Variants in PELP1 observed in about 807,000 individuals in gnomAD.
PELP1 encodes the protein proline-, glutamic acid- and leucine-rich protein 1.
A neutral mutation model predicts 95.5 loss-of-function variants in PELP1; 32 were observed. That is an observed-to-expected ratio of 0.34 (90% confidence interval 0.25 to 0.45). The LOEUF (loss-of-function observed/expected upper bound fraction) is 0.45. PELP1 is among the 20% of genes least tolerant of loss of function. PELP1 has a pLI of 1.00. For synonymous variants in PELP1, 668 were observed against 600.1 expected (o/e 1.11, Z -1.65); for missense variants, 1,358 against 1,444.8 (o/e 0.94, Z 0.97).
intron 3 of PELP1, among the ~76,000 whole-genome samples, chr17:4,683,361 C>G (rs2150558540): frequency 6.6e-6 from 1 of 151,496 alleles, no homozygotes; most frequent in East Asian, 1.9e-4. Flanking sequence ...GCTGAGACTA[C>G]AAGCGCCCGC....
intron 4 of PELP1, 103 bp from the exon 5 acceptor site, chr17:4,682,676 T>C: frequency 1.4e-6 from 2 of 1,446,296 alleles, no homozygotes; most frequent in Middle Eastern, 3.5e-4. Flanking sequence ...AAATCACTTT[T>C]TCTTGGCCCC....
chr17:4,699,512 G>C (rs916812016), intron 1 of PELP1, among the ~76,000 whole-genome samples: 2 of 152,198 alleles, frequency 1.3e-5, no homozygotes, highest in Admixed American at 6.5e-5. Flanking sequence ...GAGACAAAAA[G>C]TACAGATAAC....
intron 5 of PELP1, among the ~76,000 whole-genome samples, chr17:4,681,427 T>C (rs1475014402): frequency 6.6e-6 from 1 of 151,826 alleles, no homozygotes; most frequent in African/African-American, 2.4e-5. Context: ...TGAGAATCAC[T>C]TGGAACCTGG....
At chr17:4,680,826 T>G (rs778549458) in intron 5 of PELP1, among the ~76,000 whole-genome samples, 2 of 152,252 alleles carry the variant, frequency 1.3e-5, no homozygotes, top group African/African-American at 4.8e-5. Flanking sequence ...TTAGGTATAG[T>G]TGGCATCCAA....
At chr17:4,691,080 G>T in intron 2 of PELP1, 87 bp from the exon 3 acceptor site, 1 of 933,360 alleles carries the variant, frequency 1.1e-6, no homozygotes, top group Non-Finnish European at 1.7e-6. Context: ...CTAGGCTACA[G>T]CAAGACTTCA....
At chr17:4,701,577 A>AT (rs1913539237) in intron 1 of PELP1, among the ~76,000 whole-genome samples, 1 of 152,226 alleles carries the variant, frequency 6.6e-6, no homozygotes, top group Admixed American at 6.5e-5. Context: ...TGCTAGGATC[A>AT]TTCCATTTTG....
Position 4,678,528 on chromosome 17 carries a change from A to G in PELP1, c.643-1716T>C, listed in dbSNP as rs186052363. ...ACAGAAGTCTGCTTATGTGACTGCAATAAAGCAGTGTACGGTGAAGCGACA... is the reference window on the plus strand; with the variant it reads ...ACAGAAGTCTGCTTATGTGACTGCAGTAAAGCAGTGTACGGTGAAGCGACA... On this transcript the variant is annotated intron_variant, in intron 5 of 16. Coordinates refer to ENST00000572293, the MANE Select transcript of PELP1 (RefSeq NM_014389.3). Among the ~76,000 whole-genome samples the G allele has an allele frequency of 2.6e-5, 4 of 152,320 alleles. No homozygotes were observed. In the East Asian group the frequency reaches 5.8e-4, roughly 22 times the overall value.
Position 4,683,527 on chromosome 17 carries a change from TTTTC to T in PELP1, c.421-579_421-576del, listed in dbSNP as rs1403903716. Reference sequence around the variant, plus strand: ...AGCCATCACGCCCAGCTGAGTTTTCTTTTCTTTTTTTTTTTTTTTTTGAGACAGA... The same window carrying T: ...AGCCATCACGCCCAGCTGAGTTTTCTTTTTTTTTTTTTTTTTTGAGACAGA... On this transcript the variant is annotated intron_variant, in intron 3 of 16. Coordinates refer to ENST00000572293, the MANE Select transcript of PELP1 (RefSeq NM_014389.3). Among the ~76,000 whole-genome samples, 508 of 96,046 alleles carry T rather than the reference TTTTC, an allele frequency of 5.3e-3. 3 individuals are homozygous for T. The highest frequency in any genetic ancestry group is 0.02 in the African/African-American group (477 of 23,548). 63.0% of individuals were successfully genotyped at this position (96,046 alleles called of 152,430 possible).
At position 4,672,466 on chromosome 17, in the gene PELP1, G is replaced by A. The variant is rs1481389867; in HGVS notation, c.2525C>T (p.Pro842Leu). ...LPAAPGPLPP[P>L]PPPPPPVPGP... ...AGGAACAGGCGGCGGCGGAGGTGGG[G>A]GTGGCGGGAGAGGCCCTGGGGCTGC... Residue 842 changes from proline to leucine, a missense_variant, in exon 16 of 17, where the codon CCC becomes CTC. This residue lies in a region of PELP1 where 340 missense variants were observed against 322.9 expected (regional missense o/e 1.05). Transcript: ENST00000572293. 2 of 1,568,268 alleles carry A rather than the reference G, an allele frequency of 1.3e-6. No individual in the cohort carries two copies. Among genetic ancestry groups the A allele is most frequent in the South Asian group, 2.4e-5 (2 of 83,280 alleles).
At position 4,672,961 on chromosome 17, in the gene PELP1, A is replaced by G. The variant is rs1912296593; in HGVS notation, c.2030T>C (p.Met677Thr). The G allele has an allele frequency of 6.3e-7, 1 of 1,597,414 alleles. No homozygotes were observed. The highest frequency in any genetic ancestry group is 1.3e-5 in the African/African-American group (1 of 74,500). Residue 677 changes from methionine (M) to threonine (T), a missense_variant, in exon 16 of 17, where the codon ATG becomes ACG. By Grantham distance (81) the Met-to-Thr change is moderately conservative. This residue lies in a region of PELP1 where 340 missense variants were observed against 322.9 expected (regional missense o/e 1.05). Transcript: ENST00000572293. ...TGAAGGCATGGGGCCTGCTGAGGGC[A>G]TGGAGCCCACTGAGGGCATGGGGCC... ...PPGPMPSVGS[M>T]PSAGPMPSAG...
chr17:4,678,684 C>T (rs1912585666), intron 5 of PELP1, among the ~76,000 whole-genome samples: 1 of 152,164 alleles, frequency 6.6e-6, no homozygotes, highest in African/African-American at 2.4e-5. Context: ...GGTCAGTCTT[C>T]CCACCCATTC....
In PELP1 at chr17:4,676,410, A is replaced by T. The variant is rs2150554828; in HGVS notation, c.800T>A (p.Leu267Gln). 1 of 1,613,300 alleles carries T rather than the reference A, an allele frequency of 6.2e-7. No homozygotes were observed. Residue 267 changes from leucine (L) to glutamine (Q), a missense_variant, in exon 7 of 17, where the codon CTG becomes CAG. Transcript: ENST00000572293. ...TESWEQELHSLLASLHTLLGA... is the reference protein window; with the variant it reads ...TESWEQELHSQLASLHTLLGA... ...CAGCAGGGTGTGCAGTGAGGCCAGC[A>T]GACTGTGTAGCTCCTGCTCCCAGCT...
At position 4,675,679 on chromosome 17, in the gene PELP1, G is replaced by C. The variant is rs1294191357; in HGVS notation, c.1068+118C>G. On this transcript the variant is annotated intron_variant, in intron 9 of 16. Coordinates refer to ENST00000572293, the MANE Select transcript of PELP1 (RefSeq NM_014389.3). The surrounding 1 kb of genome is among the most constrained non-coding windows in gnomAD (Gnocchi z 4.3). ...AGTGATGTTATTTGGACAAAAGTAG[G>C]AAGCTCTCTGGGACGACTCCAGGAT... is the stretch of plus-strand genomic sequence containing the variant. The C allele has an allele frequency of 9.1e-6, 7 of 768,882 alleles. No homozygotes were observed. In the East Asian group the frequency reaches 1.9e-4, roughly 21 times the overall value. The allele number at this position is 768,882 out of a possible 1,614,324, so 47.6% of individuals were successfully genotyped here. A position where few individuals can be genotyped will look rare whatever the true frequency, so the allele number is the denominator to read the frequency against.
intron 3 of PELP1, among the ~76,000 whole-genome samples, chr17:4,685,671 T>C (rs1374099324): frequency 6.6e-6 from 1 of 151,174 alleles, no homozygotes. Flanking sequence ...TACACGCCTG[T>C]AGTCCCAGCT....
chr17:4,699,326 G>C, intron 1 of PELP1, among the ~76,000 whole-genome samples: 1 of 151,838 alleles, frequency 6.6e-6, no homozygotes, highest in Non-Finnish European at 1.5e-5. Context: ...CTTGCAGTGA[G>C]CCAAAATCGC....
In PELP1 at chr17:4,675,412, CAGAG is replaced by C. The variant is rs1472131243; in HGVS notation, c.1069-54_1069-51del. ...AAGAGTGGAGGAAGAAAGTGAGAGC[CAGAG>C]AGAGACAGAAACAGGGAATGACCAT... On this transcript the variant is annotated intron_variant, in intron 9 of 16. Coordinates refer to ENST00000572293, the MANE Select transcript of PELP1 (RefSeq NM_014389.3). The surrounding 1 kb of genome is among the most constrained non-coding windows in gnomAD (Gnocchi z 4.3). The C allele has an allele frequency of 8.9e-7, 1 of 1,129,268 alleles. No individual in the cohort carries two copies. The highest frequency in any genetic ancestry group is 1.5e-5 in the African/African-American group (1 of 65,090). 70.0% of individuals were successfully genotyped at this position (1,129,268 alleles called of 1,614,324 possible). A position where few individuals can be genotyped will look rare whatever the true frequency, so the allele number is the denominator to read the frequency against.
Position 4,672,413 on chromosome 17 carries a change from A to C in PELP1, c.2578T>G (p.Leu860Val), listed in dbSNP as rs767691633. Residue 860 changes from leucine (L) to valine (V), a missense_variant, in exon 16 of 17, where the codon TTG (leucine) becomes GTG (valine). This residue lies in a region of PELP1 where 340 missense variants were observed against 322.9 expected (regional missense o/e 1.05). Transcript: ENST00000572293. ...CCACCAGGAGTCCCTTCAGGGACCA[A>C]CTGGGGTGGAGGGAGCGTCACAGGA... ...PGPVTLPPPQLVPEGTPGGGG... is the reference protein window; with the variant it reads ...PGPVTLPPPQVVPEGTPGGGG... The C allele has an allele frequency of 1.9e-6, 3 of 1,566,724 alleles. No individual in the cohort carries two copies. Among genetic ancestry groups the C allele is most frequent in the Non-Finnish European group, 2.6e-6 (3 of 1,155,578 alleles).
intron 7 of PELP1, 69 bp from the exon 8 acceptor site, chr17:4,676,231 G>T: frequency 1.3e-6 from 2 of 1,593,636 alleles, no homozygotes; most frequent in South Asian, 2.3e-5. Context: ...TCTGGTGGAC[G>T]ACCTGCCTGT....
In PELP1 at chr17:4,673,520, C is replaced by T. The variant is rs569857862; in HGVS notation, c.1639-64G>A. The T allele has an allele frequency of 9.9e-5, 155 of 1,570,420 alleles. No homozygotes were observed. The highest frequency in any genetic ancestry group is 1.3e-4 in the Non-Finnish European group (149 of 1,143,520). ...CCACCCAACCCTTCTCCAGAGCCTACTCCCAGGTCGGAATGGACCCACCTC... is the reference window on the plus strand; with the variant it reads ...CCACCCAACCCTTCTCCAGAGCCTATTCCCAGGTCGGAATGGACCCACCTC... On this transcript the variant is annotated intron_variant, in intron 14 of 16. Transcript: ENST00000572293. This position sits in a 1 kb window ranked among gnomAD's most constrained non-coding sequence, Gnocchi z 5.7.
Sources: gnomAD v4.1 joint callset for allele counts (sites outside exome capture counted in the v4.1 genomes callset) on GRCh38, gnomAD v4.1.1 for gene constraint, gnomAD v4.1.1 regional missense constraint, Gnocchi (gnomAD v3.1) non-coding constraint, MANE v1.5 for transcripts, NCBI Gene and HGNC (gene_info 2026-07-23, HGNC 2026-07-21) for gene names.